The following ZNF608 variants were observed in gnomAD, a reference collection of about 807,000 sequenced individuals.
ZNF608 encodes the protein renal carcinoma antigen NY-REN-36.
A neutral mutation model predicts 109.0 loss-of-function variants in ZNF608; 12 were observed. The observed-to-expected ratio is 0.11, with a 90% CI of 0.07 to 0.18. ZNF608 has a LOEUF of 0.18. ZNF608 is among the 10% of genes least tolerant of loss of function. The pLI is 1.00. For missense variants in ZNF608, 1,707 were observed against 1,879.3 expected (o/e 0.91, Z 1.70); for synonymous variants, 732 against 717.4 (o/e 1.02, Z -0.33).
At chr5:124,656,586 C>T (rs7733272) in intron 3 of ZNF608, among the ~76,000 whole-genome samples, 99,517 of 151,898 alleles carry the variant, frequency 0.66, 33,668 homozygotes, top group African/African-American at 0.83. Flanking sequence ...AATCCACATA[C>T]AACGACAACA....
chr5:124,677,854 C>T (rs1460833003), intron 3 of ZNF608, among the ~76,000 whole-genome samples: 1 of 152,160 alleles, frequency 6.6e-6, no homozygotes, highest in Non-Finnish European at 1.5e-5. Flanking sequence ...GAACACCACC[C>T]TTGCCCAGCA....
At chr5:124,637,959 T>A in intron 9 of ZNF608, 53 bp from the exon 10 acceptor site, 1 of 1,607,490 alleles carries the variant, frequency 6.2e-7, no homozygotes, top group Non-Finnish European at 8.5e-7. Context: ...TTTTGTTTGT[T>A]TGTTTTTTGA....
chr5:124,693,972 A>ATGTTTTTTTTTTTTTTTTTT (rs1561564262), intron 3 of ZNF608, among the ~76,000 whole-genome samples: 1 of 23,300 alleles, frequency 4.3e-5, no homozygotes, highest in African/African-American at 2.3e-4. Flanking sequence ...CATTTCATTA[A>ATGTTTTTTTTTTTTTTTTTT]TCTTTTTTTT....
chr5:124,667,398 G>A (rs1285736705), intron 3 of ZNF608, among the ~76,000 whole-genome samples: 1 of 152,200 alleles, frequency 6.6e-6, no homozygotes, highest in Non-Finnish European at 1.5e-5. Context: ...TGGGGACAGA[G>A]TGTTCATTCT....
intron 2 of ZNF608, among the ~76,000 whole-genome samples, chr5:124,717,879 C>T (rs1753765412): frequency 6.6e-6 from 1 of 152,126 alleles, no homozygotes; most frequent in African/African-American, 2.4e-5. Flanking sequence ...GGCAAGTGTC[C>T]CTATAGGGGC....
intron 4 of ZNF608, 124 bp downstream of exon 4, chr5:124,649,486 T>C: frequency 1.4e-6 from 1 of 710,788 alleles, no homozygotes; most frequent in East Asian, 3.0e-5. Flanking sequence ...CAATCCTAAA[T>C]TGCTCATTTC....
chr5:124,661,254 C>A (rs1751244837), intron 3 of ZNF608, among the ~76,000 whole-genome samples: 1 of 152,128 alleles, frequency 6.6e-6, no homozygotes, highest in African/African-American at 2.4e-5. Context: ...TAACTGAATG[C>A]CTGACATTTG....
At chr5:124,660,559 T>C (rs990406980) in intron 3 of ZNF608, among the ~76,000 whole-genome samples, 85 of 152,268 alleles carry the variant, frequency 5.6e-4, no homozygotes, top group African/African-American at 1.9e-3. Flanking sequence ...GGCCATCAAA[T>C]GGAGCACCCT....
chr5:124,731,501 G>A (rs774119943), intron 2 of ZNF608, among the ~76,000 whole-genome samples: 3 of 151,056 alleles, frequency 2.0e-5, no homozygotes, highest in Non-Finnish European at 4.4e-5. Flanking sequence ...GTGAGCCACC[G>A]CGCCCAGCCA....
chr5:124,702,492 T>TG (rs1304044005), intron 2 of ZNF608, among the ~76,000 whole-genome samples: 1 of 116,500 alleles, frequency 8.6e-6, no homozygotes, highest in Non-Finnish European at 1.8e-5. Flanking sequence ...TAGTCTTTGT[T>TG]GGGTTTTGGT....
intron 2 of ZNF608, chr5:124,708,120 A>T (rs60375088): frequency 6.6e-6 from 1 of 152,260 alleles, no homozygotes; most frequent in African/African-American, 2.4e-5. Flanking sequence ...CTGAAATTCA[A>T]GACCAAAGCT....
chr5:124,675,248 A>T (rs2149817603), intron 3 of ZNF608, among the ~76,000 whole-genome samples: 1 of 152,342 alleles, frequency 6.6e-6, no homozygotes, highest in South Asian at 2.1e-4. Flanking sequence ...TGTTATTAGT[A>T]AGTTTCCAGT....
intron 3 of ZNF608, among the ~76,000 whole-genome samples, chr5:124,665,363 T>G (rs1408721905): frequency 6.6e-6 from 1 of 152,196 alleles, no homozygotes; most frequent in East Asian, 1.9e-4. Context: ...AAATTTAATT[T>G]GCTGAACTGC....
intron 2 of ZNF608, chr5:124,707,982 C>T (rs965722103): frequency 2.0e-5 from 3 of 152,236 alleles, no homozygotes; most frequent in African/African-American, 7.2e-5. Flanking sequence ...GAGAAAACAA[C>T]ATGGGCAAAT....
chr5:124,639,340 G>C (rs979127621), intron 8 of ZNF608, 126 bp from the exon 9 acceptor site: 1 of 729,082 alleles, frequency 1.4e-6, no homozygotes, highest in Non-Finnish European at 2.4e-6. Flanking sequence ...CACATGAACT[G>C]TTTCATGCAG....
Position 124,644,611 on chromosome 5 carries a change from C to G in ZNF608, c.3756G>C (p.Leu1252=), listed in dbSNP as rs1201741592. 6.2e-7 allele frequency: 1 copy of G among 1,610,038 alleles called. No individual in the cohort carries two copies. The highest frequency in any genetic ancestry group is 1.3e-5 in the African/African-American group (1 of 74,468). The change falls in exon 6 of 10, where the codon CTG becomes CTC. Residue 1252 remains leucine (L), a synonymous_variant. Transcript: ENST00000513986. The part of the protein sequence containing the change: ...WHHYVYQPKY[L]DQQKSEELDR... ...CAAGTTCTTCTGACTTTTGCTGATC[C>G]AGATATTTGGGCTGGTATACATAAT... is the stretch of plus-strand genomic sequence containing the variant.
chr5:124,723,767 G>A (rs1438082614), intron 2 of ZNF608, among the ~76,000 whole-genome samples: 4 of 151,812 alleles, frequency 2.6e-5, no homozygotes, highest in African/African-American at 4.8e-5. Context: ...AGAATCAAAC[G>A]ACAAATGAAG....
At chr5:124,693,458 T>C (rs1421579976) in intron 3 of ZNF608, among the ~76,000 whole-genome samples, 1 of 152,172 alleles carries the variant, frequency 6.6e-6, no homozygotes, top group Non-Finnish European at 1.5e-5. Flanking sequence ...GAAAAAAAGT[T>C]TTAAAGTTTT....
chr5:124,732,246 T>C (rs1436281506), intron 2 of ZNF608, among the ~76,000 whole-genome samples: 2 of 152,212 alleles, frequency 1.3e-5, no homozygotes, highest in Non-Finnish European at 2.9e-5. Context: ...CAAATGATTT[T>C]AATGTTACAG....
Sources: gnomAD v4.1 joint callset for allele counts (sites outside exome capture counted in the v4.1 genomes callset) on GRCh38, gnomAD v4.1.1 for gene constraint, MANE v1.5 for transcripts, NCBI Gene and HGNC (gene_info 2026-07-23, HGNC 2026-07-21) for gene names.